Variants in FAM83A observed in about 807,000 individuals in gnomAD.
FAM83A encodes the protein scaffolding CK1 anchoring protein A.
FAM83A carries 21 observed loss-of-function variants against 24.4 expected under a neutral mutation model. The ratio of observed to expected loss-of-function variants is 0.86; its 90% confidence interval spans 0.61 to 1.24. The LOEUF is 1.24. Among genes scored for constraint, FAM83A ranks in the 50% most tolerant of loss-of-function variants. The pLI is 0.00. For missense variants in FAM83A, 617 were observed against 579.8 expected, an observed-to-expected ratio of 1.06 and a Z score of -0.66; for synonymous variants, 270 against 252.4, an observed-to-expected ratio of 1.07 and a Z score of -0.66.
At chr8:123,188,983 A>T (rs1401771105) in intron 1 of FAM83A, among the ~76,000 whole-genome samples, 1 of 152,176 alleles carries the variant, frequency 6.6e-6, no homozygotes, top group Non-Finnish European at 1.5e-5. Flanking sequence ...TCACCAGCTC[A>T]CCAGCCCTGT....
Position 123,208,967 on chromosome 8 carries a change from A to C in FAM83A, c.*1279A>C. 4 of 454,318 alleles carry C rather than the reference A, an allele frequency of 8.8e-6. No homozygotes were observed. In the South Asian group the frequency reaches 3.7e-4, roughly 42 times the overall value. The allele number at this position is 454,318 out of a possible 1,614,324, so 28.1% of individuals were successfully genotyped here. A position where few individuals can be genotyped will look rare whatever the true frequency, so the allele number is the denominator to read the frequency against. ...CAACAAAGCAAGACTCCGTCACAGA[A>C]AAAAAAAAAAAAAAGAGAGAGAGCA... On this transcript the variant is annotated 3_prime_UTR_variant, in exon 4 of 4. Transcript: ENST00000690554.
At chr8:123,183,647 C>CT (rs951892362) in intron 1 of FAM83A, among the ~76,000 whole-genome samples, 4 of 149,372 alleles carry the variant, frequency 2.7e-5, no homozygotes, top group Admixed American at 6.7e-5. Flanking sequence ...TCCTCTCTTT[C>CT]TTTTTTTTTC....
chr8:123,185,499 T>C lies in FAM83A; in HGVS notation c.480+2163T>C, dbSNP rs535066559. ...AGGACCCTGACACCGCTGATGTCCT[T>C]TGGACCAACACAGCGTGTTACGAAC... On this transcript the variant is annotated intron_variant, in intron 1 of 3. Coordinates refer to ENST00000690554, the Ensembl canonical transcript of FAM83A. Among the ~76,000 whole-genome samples the C allele has an allele frequency of 2.0e-5, 3 of 152,324 alleles. No individual in the cohort carries two copies. In the East Asian group the frequency reaches 5.8e-4, roughly 29 times the overall value.
At position 123,209,717 on chromosome 8, in the gene FAM83A, A is replaced by G. The variant is rs543471434; in HGVS notation, c.*2029A>G. ...GGGAGATAGGGGAGAACCTGCAGGC[A>G]GGAACAAGCCCCCCTACTCCTGACC... On this transcript the variant is annotated 3_prime_UTR_variant, in exon 4 of 4. Coordinates refer to ENST00000690554, the Ensembl canonical transcript of FAM83A. This position sits in a 1 kb window ranked among gnomAD's most constrained non-coding sequence, Gnocchi z 4.7. 692 of 703,480 alleles carry G rather than the reference A, an allele frequency of 9.8e-4. 5 individuals are homozygous for G. The East Asian group carries it at 0.017, about 17-fold the overall frequency. 43.6% of individuals were successfully genotyped at this position (703,480 alleles called of 1,614,324 possible).
intron 3 of FAM83A, chr8:123,202,196 C>T (rs1824383458): frequency 6.5e-6 from 1 of 152,758 alleles, no homozygotes; most frequent in Admixed American, 6.5e-5. Flanking sequence ...CAACAAAAAT[C>T]TACATCCTTA....
chr8:123,188,557 C>T (rs1224700504), intron 1 of FAM83A, among the ~76,000 whole-genome samples: 1 of 151,262 alleles, frequency 6.6e-6, no homozygotes, highest in Non-Finnish European at 1.5e-5. Context: ...GATGTCGGCT[C>T]ACTGCAACCT....
chr8:123,193,200 C>A (rs543157687), intron 2 of FAM83A, among the ~76,000 whole-genome samples: 13 of 152,332 alleles, frequency 8.5e-5, no homozygotes, highest in Admixed American at 4.6e-4. Context: ...TGCAGACTCA[C>A]CTTTGCTTAA....
chr8:123,192,247 A>G (rs1383676386), intron 2 of FAM83A, among the ~76,000 whole-genome samples: 1 of 152,162 alleles, frequency 6.6e-6, no homozygotes, highest in Non-Finnish European at 1.5e-5. Flanking sequence ...GGAGATTTCC[A>G]TCGCTTTCTC....
chr8:123,205,796 C>CG (rs930813328), intron 3 of FAM83A, among the ~76,000 whole-genome samples: 1 of 151,792 alleles, frequency 6.6e-6, no homozygotes, highest in East Asian at 1.9e-4. Context: ...ATTGAGGGGG[C>CG]GGGGGGAGAA....
rs17377143 is a variant in FAM83A, at chr8:123,185,171, G to T, written c.480+1835G>T. On this transcript the variant is annotated intron_variant, in intron 1 of 3. Transcript: ENST00000690554. ...ACGCTGCCTTTGTGGCCCGGCGCTG[G>T]CTGTATCCCCTCAGGCAAGTCCCTG... Among the ~76,000 whole-genome samples, 1,137 of 152,308 alleles carry T rather than the reference G, an allele frequency of 7.5e-3. 56 individuals are homozygous for T. Among genetic ancestry groups the T allele is most frequent in the Admixed American group, 0.069 (1,053 of 15,306 alleles).
intron 2 of FAM83A, among the ~76,000 whole-genome samples, chr8:123,192,468 C>T (rs16898104): frequency 0.012 from 1,795 of 152,306 alleles, 40 homozygotes; most frequent in African/African-American, 0.041. Flanking sequence ...TCCTCTTGGA[C>T]TTAACTGAAC....
At chr8:123,207,676 C>T (rs1329996669) in exon 4 of FAM83A, 4 of 1,505,478 alleles carry the variant, frequency 2.7e-6, no homozygotes, top group East Asian at 2.4e-5. Flanking sequence ...TGCAGGCCTC[C>T]CCTCACTTCT....
chr8:123,197,886 T>C (rs1020498969), intron 3 of FAM83A, among the ~76,000 whole-genome samples: 2 of 152,210 alleles, frequency 1.3e-5, no homozygotes, highest in East Asian at 1.9e-4. Context: ...TCCCAGCACT[T>C]TGACAGGCCA....
At chr8:123,184,661 CA>C (rs1053678252) in intron 1 of FAM83A, among the ~76,000 whole-genome samples, 8 of 152,122 alleles carry the variant, frequency 5.3e-5, no homozygotes, top group African/African-American at 1.7e-4. Context: ...GGGTCTTGTT[CA>C]ACCCCAGGTG....
At chr8:123,207,462 C>T (rs1347797586) in exon 4 of FAM83A, 1 of 1,590,912 alleles carries the variant, frequency 6.3e-7, no homozygotes, top group South Asian at 1.1e-5. Flanking sequence ...AGCCCCGCGG[C>T]CCCACACCCG....
chr8:123,183,075 C>T, exon 1 of FAM83A: 1 of 1,613,800 alleles, frequency 6.2e-7, no homozygotes, highest in Non-Finnish European at 8.5e-7. Flanking sequence ...ACATCCAGGC[C>T]CAGGCCAGGG....
intron 3 of FAM83A, among the ~76,000 whole-genome samples, chr8:123,196,224 C>A (rs1272045593): frequency 6.6e-6 from 1 of 152,202 alleles, no homozygotes; most frequent in African/African-American, 2.4e-5. Flanking sequence ...GATGGCCATA[C>A]TGGTCTCGAA....
intron 3 of FAM83A, among the ~76,000 whole-genome samples, chr8:123,203,361 G>A (rs901881057): frequency 2.6e-5 from 4 of 152,018 alleles, no homozygotes; most frequent in Admixed American, 6.6e-5. Context: ...GCAGAGGAAG[G>A]TGGATCACCT....
In FAM83A at chr8:123,209,477, G is replaced by T. The variant is rs1162374440; in HGVS notation, c.*1789G>T. On this transcript the variant is annotated 3_prime_UTR_variant, in exon 4 of 4. Transcript: ENST00000690554. This position sits in a 1 kb window ranked among gnomAD's most constrained non-coding sequence, Gnocchi z 4.7. ...AAAACAAAAAAACAAACAACACTTT[G>T]GTTCCTGATGGCTTTCTGAACCCAG... The T allele has an allele frequency of 1.2e-6, 2 of 1,614,018 alleles. No homozygotes were observed. The highest frequency in any genetic ancestry group is 1.7e-6 in the Non-Finnish European group (2 of 1,180,046).
Sources: gnomAD v4.1 joint callset for allele counts (sites outside exome capture counted in the v4.1 genomes callset) on GRCh38, gnomAD v4.1.1 for gene constraint, Gnocchi (gnomAD v3.1) non-coding constraint, MANE v1.5 for transcripts, NCBI Gene and HGNC (gene_info 2026-07-23, HGNC 2026-07-21) for gene names.